Variants in UBE2E3 observed in about 807,000 individuals in gnomAD.
UBE2E3 encodes ubiquitin-conjugating enzyme E2 E3.
In UBE2E3, 5 loss-of-function variants were observed where a neutral mutation model predicts 23.6. That is an observed-to-expected ratio of 0.21 (90% CI 0.11 to 0.44). The LOEUF (loss-of-function observed/expected upper bound fraction) is 0.44, where lower values mean the gene tolerates loss of function less well. Ranked by LOEUF, UBE2E3 falls within the 20% of genes least tolerant of loss-of-function variation. UBE2E3 has a pLI of 0.99. For synonymous variants in UBE2E3, 78 were observed against 87.5 expected, an observed-to-expected ratio of 0.89 and a Z score of 0.60; for missense variants, 81 against 249.8, an observed-to-expected ratio of 0.32 and a Z score of 4.55.
intron 3 of UBE2E3, among the ~76,000 whole-genome samples, chr2:181,010,580 G>A (rs1039497963): frequency 1.3e-5 from 2 of 152,070 alleles, no homozygotes; most frequent in Non-Finnish European, 2.9e-5. Context: ...GATGATCTGA[G>A]TTTCACAGGT....
chr2:180,982,289 G>C, intron 2 of UBE2E3, 53 bp downstream of exon 2: 1 of 1,547,888 alleles, frequency 6.5e-7, no homozygotes, highest in Non-Finnish European at 8.8e-7. Flanking sequence ...CTTCCAGGTG[G>C]TTGGACGCTT....
intron 3 of UBE2E3, among the ~76,000 whole-genome samples, chr2:181,017,580 C>A (rs1559122673): frequency 6.6e-6 from 1 of 151,408 alleles, no homozygotes; most frequent in African/African-American, 2.4e-5. Flanking sequence ...GCATACCATC[C>A]TTTTGGGAAA....
At position 180,987,632 on chromosome 2, in the gene UBE2E3, G is replaced by A. The variant is rs1460718272; in HGVS notation, c.245+3539G>A. On this transcript the variant is annotated intron_variant, in intron 3 of 5. Coordinates refer to ENST00000410062, the MANE Select transcript of UBE2E3 (RefSeq NM_006357.4). ...GCAAAACCTGAGATCAGGTGATTTCGTTGACTTTCTTCTTTAAAAATAAAA... is the reference window on the plus strand; with the variant it reads ...GCAAAACCTGAGATCAGGTGATTTCATTGACTTTCTTCTTTAAAAATAAAA... Among the ~76,000 whole-genome samples the A allele has an allele frequency of 2.0e-5, 3 of 151,980 alleles. No individual in the cohort carries two copies. In the East Asian group the frequency reaches 5.8e-4, roughly 29 times the overall value.
intron 3 of UBE2E3, among the ~76,000 whole-genome samples, chr2:181,003,988 G>C (rs1685064662): frequency 6.6e-6 from 1 of 152,190 alleles, no homozygotes; most frequent in African/African-American, 2.4e-5. Flanking sequence ...GCAAGATTCA[G>C]TTTTAGGTCT....
At chr2:181,051,337 T>A (rs1176867263) in intron 3 of UBE2E3, among the ~76,000 whole-genome samples, 1 of 151,816 alleles carries the variant, frequency 6.6e-6, no homozygotes, top group Non-Finnish European at 1.5e-5. Flanking sequence ...TTTTATGCAG[T>A]TTTTTCAGTA....
In UBE2E3 at chr2:180,980,868, C is replaced by G. The variant is rs576942719; in HGVS notation, c.-131C>G. The G allele has an allele frequency of 6.7e-6, 1 of 149,770 alleles. No individual in the cohort carries two copies. Among genetic ancestry groups the G allele is most frequent in the Non-Finnish European group, 1.5e-5 (1 of 67,202 alleles). The allele number at this position is 149,770 out of a possible 1,614,324, so 9.3% of individuals were successfully genotyped here. A position where few individuals can be genotyped will look rare whatever the true frequency, so the allele number is the denominator to read the frequency against. On this transcript the variant is annotated 5_prime_UTR_variant, in exon 1 of 6. Coordinates refer to ENST00000410062, the MANE Select transcript of UBE2E3 (RefSeq NM_006357.4). The surrounding 1 kb of genome is among the most constrained non-coding windows in gnomAD (Gnocchi z 5.5). ...CTCGGCTTCTTTTTTTCCCTCCCCC[C>G]CCTTCCCCCCCCCACAGCTGCCTCC...
chr2:181,035,607 G>C (rs946833480), intron 3 of UBE2E3, among the ~76,000 whole-genome samples: 4 of 152,120 alleles, frequency 2.6e-5, no homozygotes, highest in African/African-American at 7.2e-5. Context: ...CCCATGACCC[G>C]TGGGTCACAT....
intron 3 of UBE2E3, among the ~76,000 whole-genome samples, chr2:181,000,608 G>T (rs1413751034): frequency 6.7e-6 from 1 of 148,494 alleles, no homozygotes; most frequent in African/African-American, 2.5e-5. Flanking sequence ...AGGCTGCAGT[G>T]CAGTGGCTTG....
At chr2:181,027,939 A>G (rs992502157) in intron 3 of UBE2E3, among the ~76,000 whole-genome samples, 1 of 152,042 alleles carries the variant, frequency 6.6e-6, no homozygotes, top group Non-Finnish European at 1.5e-5. Context: ...CACAATACTG[A>G]TGATTTCTCA....
chr2:180,993,952 A>ATT (rs1684751681), intron 3 of UBE2E3, among the ~76,000 whole-genome samples: 1 of 152,182 alleles, frequency 6.6e-6, no homozygotes, highest in Non-Finnish European at 1.5e-5. Flanking sequence ...TGTGATATAT[A>ATT]TGCTTGTACT....
At chr2:181,031,385 C>A (rs576283820) in intron 3 of UBE2E3, among the ~76,000 whole-genome samples, 1 of 152,052 alleles carries the variant, frequency 6.6e-6, no homozygotes, top group Non-Finnish European at 1.5e-5. Flanking sequence ...GCTGTATAAT[C>A]TTTGCTGTAT....
chr2:181,032,024 A>G (rs1376140687), intron 3 of UBE2E3, among the ~76,000 whole-genome samples: 1 of 152,194 alleles, frequency 6.6e-6, no homozygotes, highest in East Asian at 1.9e-4. Flanking sequence ...ATGGAAAACC[A>G]GCTTCAGGGA....
At chr2:181,012,487 G>A (rs1479324295) in intron 3 of UBE2E3, among the ~76,000 whole-genome samples, 3 of 152,060 alleles carry the variant, frequency 2.0e-5, no homozygotes, top group South Asian at 2.1e-4. Flanking sequence ...ACATGAGGTC[G>A]CTCATGGATT....
intron 3 of UBE2E3, 140 bp downstream of exon 3, chr2:180,984,233 A>G: frequency 3.3e-6 from 2 of 597,864 alleles, no homozygotes; most frequent in Non-Finnish European, 5.8e-6. Context: ...CAAAAATTGT[A>G]GAAGGTGAAC....
intron 3 of UBE2E3, among the ~76,000 whole-genome samples, chr2:181,045,976 G>T (rs1359735199): frequency 6.6e-6 from 1 of 152,056 alleles, no homozygotes; most frequent in Non-Finnish European, 1.5e-5. Flanking sequence ...TATCTATCCA[G>T]CATTATTTTA....
chr2:181,044,599 T>C (rs1396059721), intron 3 of UBE2E3, among the ~76,000 whole-genome samples: 1 of 152,144 alleles, frequency 6.6e-6, no homozygotes, highest in Non-Finnish European at 1.5e-5. Flanking sequence ...GAAACTACTT[T>C]TTGTAATTTC....
intron 4 of UBE2E3, among the ~76,000 whole-genome samples, chr2:181,058,645 C>T (rs1180767993): frequency 1.1e-4 from 17 of 151,650 alleles, no homozygotes; most frequent in Non-Finnish European, 1.5e-5. Context: ...TTTTTCTTTT[C>T]CAACATGGTG....
chr2:181,002,625 A>G (rs1037853820), intron 3 of UBE2E3, among the ~76,000 whole-genome samples: 3 of 152,240 alleles, frequency 2.0e-5, no homozygotes, highest in African/African-American at 7.2e-5. Context: ...AAACTCAAAT[A>G]TGAAAAATTA....
At chr2:181,048,969 A>G in intron 3 of UBE2E3, among the ~76,000 whole-genome samples, 1 of 152,092 alleles carries the variant, frequency 6.6e-6, no homozygotes, top group Non-Finnish European at 1.5e-5. Flanking sequence ...TGAACAACTC[A>G]TTGCTAAGAT....
Sources: allele counts gnomAD v4.1 joint callset (sites outside exome capture counted in the v4.1 genomes callset), GRCh38; gene constraint gnomAD v4.1.1; non-coding constraint Gnocchi (gnomAD v3.1); transcripts MANE v1.5; gene names NCBI Gene and HGNC (gene_info 2026-07-23, HGNC 2026-07-21).